Variants in MORC1 observed in about 807,000 individuals in gnomAD.
MORC1 encodes the protein MORC family CW-type zinc finger 1.
In MORC1, 59 loss-of-function variants were observed where a neutral mutation model predicts 134.9. The observed-to-expected ratio is 0.44, with a 90% CI of 0.35 to 0.54. The LOEUF (loss-of-function observed/expected upper bound fraction) is 0.54. MORC1 is among the 20% of genes least tolerant of loss of function. The pLI is 0.00. For missense variants in MORC1, 947 were observed against 1,134.5 expected (o/e 0.83, Z 2.37); for synonymous variants, 395 against 391.7 (o/e 1.01, Z -0.10).
At chr3:109,062,103 A>C in intron 10 of MORC1, 45 bp from the exon 11 acceptor site, 4 of 1,543,588 alleles carry the variant, frequency 2.6e-6, no homozygotes, top group Non-Finnish European at 2.7e-6. Flanking sequence ...AAATTATTTC[A>C]AGCAATTTTA....
chr3:108,997,009 CAAAAAAAA>C (rs36087713), intron 21 of MORC1, among the ~76,000 whole-genome samples: 173 of 31,558 alleles, frequency 5.5e-3, no homozygotes, highest in Non-Finnish European at 7.2e-3. Flanking sequence ...GACTCTGTCT[CAAAAAAAA>C]AAAAAAAAAA....
intron 12 of MORC1, among the ~76,000 whole-genome samples, chr3:109,057,694 A>G (rs1449158196): frequency 6.7e-6 from 1 of 148,156 alleles, no homozygotes; most frequent in Admixed American, 6.7e-5. Flanking sequence ...CAAACAAAGG[A>G]TTTACTGATT....
At chr3:109,067,253 CAAGTAACACAACCATATAAT>C (rs1950218416) in intron 9 of MORC1, among the ~76,000 whole-genome samples, 1 of 152,146 alleles carries the variant, frequency 6.6e-6, no homozygotes, top group African/African-American at 2.4e-5. Flanking sequence ...TGCCTAAAAT[CAAGTAACACAACCATATAAT>C]AACTTGTCTT....
chr3:109,073,576 C>A (rs1950364605), intron 8 of MORC1, among the ~76,000 whole-genome samples: 1 of 152,240 alleles, frequency 6.6e-6, no homozygotes, highest in East Asian at 1.9e-4. Flanking sequence ...AGACAACAGA[C>A]CCCCATCTAG....
At chr3:109,073,193 T>C (rs1950354420) in intron 8 of MORC1, among the ~76,000 whole-genome samples, 1 of 152,210 alleles carries the variant, frequency 6.6e-6, no homozygotes, top group Admixed American at 6.5e-5. Context: ...GTCCACAGTA[T>C]TCTGCTGCTG....
chr3:109,085,085 A>T lies in MORC1; in HGVS notation c.689+8351T>A, dbSNP rs536226761. 9.0e-4 allele frequency among the ~76,000 whole-genome samples: 137 copies of T among 151,948 alleles called. 1 individual carries two copies. Among genetic ancestry groups the T allele is most frequent in the African/African-American group, 3.0e-3 (125 of 41,500 alleles). ...AAAACATTGGGGAAACTCTCCAGGAAATTGATCTGGGCAAAGGGGTGTGTC... is the reference window on the plus strand; with the variant it reads ...AAAACATTGGGGAAACTCTCCAGGATATTGATCTGGGCAAAGGGGTGTGTC... On this transcript the variant is annotated intron_variant, in intron 8 of 27. Transcript: ENST00000232603.
intron 22 of MORC1, among the ~76,000 whole-genome samples, chr3:108,986,525 C>T (rs974758561): frequency 3.3e-5 from 5 of 152,096 alleles, no homozygotes; most frequent in African/African-American, 9.7e-5. Flanking sequence ...GGACTGTCAT[C>T]ATCATAATTT....
rs36087713 is a variant in MORC1 at position 108,997,009 on chromosome 3, C to CAAAAA, written c.2187+3543_2187+3547dup. On this transcript the variant is annotated intron_variant, in intron 21 of 27. Transcript: ENST00000232603. Reference sequence around the variant, plus strand: ...TGGGTGACAGAGCGAGACTCTGTCTCAAAAAAAAAAAAAAAAAAAAAAAAA... The same window carrying CAAAAA: ...TGGGTGACAGAGCGAGACTCTGTCTCAAAAAAAAAAAAAAAAAAAAAAAAAAAAAA... Among the ~76,000 whole-genome samples, 14 of 31,554 alleles carry CAAAAA rather than the reference C, an allele frequency of 4.4e-4. 1 individual carries two copies. Among genetic ancestry groups the CAAAAA allele is most frequent in the African/African-American group, 1.1e-3 (9 of 8,340 alleles). 20.7% of individuals were successfully genotyped at this position (31,554 alleles called of 152,430 possible).
At chr3:109,080,307 G>C (rs1950498886) in intron 8 of MORC1, among the ~76,000 whole-genome samples, 1 of 152,100 alleles carries the variant, frequency 6.6e-6, no homozygotes, top group Non-Finnish European at 1.5e-5. Context: ...AGTTTATGCA[G>C]GGGAATTCCT....
rs376326878 is a variant in MORC1 at position 108,983,432 on chromosome 3, C to T, written c.2324+1284G>A. Among the ~76,000 whole-genome samples, 145 of 151,996 alleles carry T rather than the reference C, an allele frequency of 9.5e-4. 2 individuals carry two copies. The South Asian group carries it at 0.029, about 30-fold the overall frequency. On this transcript the variant is annotated intron_variant, in intron 23 of 27. Coordinates refer to ENST00000232603, the MANE Select transcript of MORC1 (RefSeq NM_014429.4). The stretch of plus-strand genomic sequence containing the variant: ...GGAGATACTTTAAAATAGTAATACA[C>T]GCTTTGAAAAAAATAAAACAGGATG...
Position 109,090,529 on chromosome 3 carries a change from A to G in MORC1, c.689+2907T>C, listed in dbSNP as rs540174953. Among the ~76,000 whole-genome samples the G allele has an allele frequency of 9.2e-4, 137 of 149,716 alleles. 1 individual carries two copies. The highest frequency in any genetic ancestry group is 3.1e-3 in the African/African-American group (125 of 40,714). On this transcript the variant is annotated intron_variant, in intron 8 of 27. Transcript: ENST00000232603. Reference sequence around the variant, plus strand: ...CAGCTACTTGGGAGGCTGGGGTGGGAGAATCATTTGAACCCAGGAGGCAGA... The same window carrying G: ...CAGCTACTTGGGAGGCTGGGGTGGGGGAATCATTTGAACCCAGGAGGCAGA...
At chr3:108,984,605 G>T (rs973607455) in intron 23 of MORC1, 111 bp downstream of exon 23, 3 of 815,348 alleles carry the variant, frequency 3.7e-6, no homozygotes, top group Non-Finnish European at 5.5e-6. Context: ...TTCCATTCTT[G>T]ATTGCTTTTG....
chr3:109,001,932 C>A (rs997436184), intron 20 of MORC1, among the ~76,000 whole-genome samples: 5 of 152,206 alleles, frequency 3.3e-5, no homozygotes, highest in Admixed American at 6.5e-5. Flanking sequence ...TTCCCAATTT[C>A]AATTAATGGA....
chr3:109,058,886 G>A (rs1950019616), intron 12 of MORC1, among the ~76,000 whole-genome samples: 1 of 151,960 alleles, frequency 6.6e-6, no homozygotes, highest in Admixed American at 6.6e-5. Context: ...TATTATTAAT[G>A]AAGTGTTGAT....
rs59354453 is a variant in MORC1, at chr3:109,059,937, A to G, written c.967-67T>C. On this transcript the variant is annotated intron_variant, in intron 11 of 27. Transcript: ENST00000232603. ...AATTAACAAAAAGCAAGTTGATATT[A>G]TCCTATTATCCAAATGTTTCAAGGG... is the stretch of plus-strand genomic sequence containing the variant. 3,113 of 1,316,570 alleles carry G rather than the reference A, an allele frequency of 2.4e-3. 54 individuals are homozygous for G. In the African/African-American group the frequency reaches 0.039, roughly 17 times the overall value. The allele number at this position is 1,316,570 out of a possible 1,614,324, so 81.6% of individuals were successfully genotyped here. A position where few individuals can be genotyped will look rare whatever the true frequency, so the allele number is the denominator to read the frequency against.
intron 8 of MORC1, among the ~76,000 whole-genome samples, chr3:109,079,903 C>T (rs1950491780): frequency 1.3e-5 from 2 of 151,846 alleles, no homozygotes; most frequent in East Asian, 3.9e-4. Flanking sequence ...AAAAATATAC[C>T]TAACAAGAAA....
Position 109,103,931 on chromosome 3 carries a change from C to T in MORC1, c.155-14G>A. 1 of 1,607,546 alleles carries T rather than the reference C, an allele frequency of 6.2e-7. No homozygotes were observed. Among genetic ancestry groups the T allele is most frequent in the Non-Finnish European group, 8.5e-7 (1 of 1,174,376 alleles). ...TTTCATTATCCACTGTAAGAGAAAGCAGTTATTACTAATAAATATCGGGCT... is the reference window on the plus strand; with the variant it reads ...TTTCATTATCCACTGTAAGAGAAAGTAGTTATTACTAATAAATATCGGGCT... On this transcript the variant is annotated splice_polypyrimidine_tract_variant and intron_variant, in intron 3 of 27. Coordinates refer to ENST00000232603, the MANE Select transcript of MORC1 (RefSeq NM_014429.4).
chr3:109,054,792 C>T lies in MORC1; in HGVS notation c.1266G>A (p.Glu422=). 6.2e-7 allele frequency: 1 copy of T among 1,605,702 alleles called. No individual in the cohort carries two copies. The highest frequency in any genetic ancestry group is 8.5e-7 in the Non-Finnish European group (1 of 1,178,104). The change falls in exon 14 of 28, where the codon GAG becomes GAA. Residue 422 remains glutamate, a synonymous_variant. Coordinates refer to ENST00000232603, the MANE Select transcript of MORC1 (RefSeq NM_014429.4). The part of the protein sequence containing the change: ...HNKQEFLNVQ[E]YNHLLKVMGQ... The stretch of plus-strand genomic sequence containing the variant: ...CCATGACTTTTAGTAGATGATTATA[C>T]TCTTGGACATTGAGAAATTCCTGTT...
chr3:109,037,129 G>A lies in MORC1; in HGVS notation c.1331-1661C>T, dbSNP rs189008613. 6.3e-4 allele frequency among the ~76,000 whole-genome samples: 96 copies of A among 152,232 alleles called. 1 individual carries two copies. Among genetic ancestry groups the A allele is most frequent in the Non-Finnish European group, 9.9e-4 (67 of 68,002 alleles). ...TTGTCCTACACATTCTTTCCCTACG[G>A]TTTTTAAGTCCTGGGTCTGGGGGTT... is the stretch of plus-strand genomic sequence containing the variant. On this transcript the variant is annotated intron_variant, in intron 14 of 27. Transcript: ENST00000232603.
Sources: allele counts gnomAD v4.1 joint callset (sites outside exome capture counted in the v4.1 genomes callset), GRCh38; gene constraint gnomAD v4.1.1; transcripts MANE v1.5; gene names NCBI Gene and HGNC (gene_info 2026-07-23, HGNC 2026-07-21).